NLGN4Y: variants seen among roughly 807,000 people sequenced by gnomAD.
NLGN4Y encodes neuroligin-4, Y-linked.
Under a neutral mutation model 8.4 loss-of-function variants are expected in NLGN4Y, and 4 were observed. The observed-to-expected ratio is 0.48, with a 90% CI of 0.23 to 1.09. NLGN4Y has a LOEUF of 1.09. NLGN4Y is among the 50% of genes least tolerant of loss of function. The pLI is 0.19. For synonymous variants in NLGN4Y, 35 were observed against 75.6 expected (o/e 0.46, Z 2.78); for missense variants, 90 against 192.3 (o/e 0.47, Z 3.15).
chrY:14,672,524 CA>C (rs143892040), intron 2 of NLGN4Y, among the ~76,000 whole-genome samples: 1 of 3,204 alleles, frequency 3.1e-4, no homozygotes, highest in African/African-American at 1.3e-3. Flanking sequence ...GACACAGTCT[CA>C]AAAAAAAAAA....
intron 2 of NLGN4Y, among the ~76,000 whole-genome samples, chrY:14,674,041 G>T: frequency 2.3e-4 from 7 of 29,979 alleles, no homozygotes; most frequent in African/African-American, 9.3e-4. Flanking sequence ...GTGGTGGGGT[G>T]GGGGGAGAGG....
chrY:14,558,497 G>A (rs2080216948), intron 1 of NLGN4Y, among the ~76,000 whole-genome samples: 18 of 32,967 alleles, frequency 5.5e-4, no homozygotes, highest in Non-Finnish European at 8.2e-4. Context: ...CCACTGAGAC[G>A]TCCCATTGTT....
chrY:14,626,382 C>T (rs1603501612), intron 2 of NLGN4Y, among the ~76,000 whole-genome samples: 1 of 33,437 alleles, frequency 3.0e-5, no homozygotes, highest in Admixed American at 2.7e-4. Flanking sequence ...CCTGGTCTCA[C>T]TGGCTTCAGC....
chrY:14,827,914 A>T (rs111678633), intron 5 of NLGN4Y, among the ~76,000 whole-genome samples: 3,728 of 33,481 alleles, frequency 0.11, no homozygotes, highest in Non-Finnish European at 0.19. Context: ...GCAAAGAATG[A>T]AATGGAAAAG....
At chrY:14,814,118 G>A in intron 4 of NLGN4Y, among the ~76,000 whole-genome samples, 1 of 33,024 alleles carries the variant, frequency 3.0e-5, no homozygotes, top group Non-Finnish European at 7.4e-5. Flanking sequence ...TCTGGAGTTT[G>A]TTCCTTCTGG....
At chrY:14,569,907 T>C in intron 1 of NLGN4Y, among the ~76,000 whole-genome samples, 1 of 34,112 alleles carries the variant, frequency 2.9e-5, no homozygotes, top group Non-Finnish European at 7.3e-5. Context: ...ATTTTTCATA[T>C]GTTTATTGAT....
intron 2 of NLGN4Y, among the ~76,000 whole-genome samples, chrY:14,684,147 C>T: frequency 3.0e-5 from 1 of 33,535 alleles, no homozygotes; most frequent in Non-Finnish European, 7.4e-5. Flanking sequence ...GTCTTAGAGG[C>T]TAGCTTTTGT....
At chrY:14,790,288 G>A (rs2042980730) in intron 4 of NLGN4Y, among the ~76,000 whole-genome samples, 1 of 33,337 alleles carries the variant, frequency 3.0e-5, no homozygotes, top group Non-Finnish European at 7.4e-5. Flanking sequence ...TCAGAGAATG[G>A]CACTTTATAA....
At chrY:14,794,739 T>G in intron 4 of NLGN4Y, among the ~76,000 whole-genome samples, 1 of 33,899 alleles carries the variant, frequency 2.9e-5, no homozygotes, top group African/African-American at 1.1e-4. Flanking sequence ...AAGAACTGTT[T>G]AAGTGGTTGA....
intron 2 of NLGN4Y, among the ~76,000 whole-genome samples, chrY:14,658,004 C>T (rs2080660413): frequency 3.0e-5 from 1 of 33,285 alleles, no homozygotes; most frequent in Admixed American, 2.7e-4. Context: ...TAAAAATCCT[C>T]ATTTTTACTT....
intron 1 of NLGN4Y, among the ~76,000 whole-genome samples, chrY:14,544,767 C>T (rs2080162323): frequency 9.7e-5 from 3 of 30,895 alleles, no homozygotes; most frequent in Non-Finnish European, 7.8e-5. Context: ...TTTTTTTCCT[C>T]GTGCAATTTT....
chrY:14,703,498 CT>C (rs2080863110), intron 2 of NLGN4Y, among the ~76,000 whole-genome samples: 1 of 33,129 alleles, frequency 3.0e-5, no homozygotes, highest in Non-Finnish European at 7.4e-5. Context: ...TCTGAGGGCT[CT>C]GTTCTGTTCC....
intron 4 of NLGN4Y, among the ~76,000 whole-genome samples, chrY:14,759,389 C>T: frequency 1.2e-4 from 4 of 32,803 alleles, no homozygotes; most frequent in Admixed American, 1.1e-3. Context: ...CCAGCTCCTC[C>T]TCCCAAGTTC....
At chrY:14,569,454 C>T in intron 1 of NLGN4Y, among the ~76,000 whole-genome samples, 2 of 33,351 alleles carry the variant, frequency 6.0e-5, no homozygotes, top group African/African-American at 2.3e-4. Context: ...TGATTTTGTT[C>T]GTTTTCATGG....
Position 14,840,406 on chromosome Y carries a change from T to C in NLGN4Y, c.1662-7T>C. 2.5e-6 allele frequency: 1 copy of C among 397,622 alleles called. No homozygotes were observed. On this transcript the variant is annotated splice_polypyrimidine_tract_variant and splice_region_variant and intron_variant, in intron 6 of 6. Transcript: ENST00000684976. The stretch of plus-strand genomic sequence containing the variant: ...GACCTTTCTTTTTTTCTTCCTTCTA[T>C]CCCCAGTGATCCAAACCAACCAGTT...
At chrY:14,536,534 A>C in intron 1 of NLGN4Y, among the ~76,000 whole-genome samples, 1 of 32,623 alleles carries the variant, frequency 3.1e-5, no homozygotes, top group South Asian at 6.9e-4. Flanking sequence ...GGCGTGAGCC[A>C]CCGCACCCAG....
chrY:14,651,470 A>G, intron 2 of NLGN4Y, among the ~76,000 whole-genome samples: 1 of 33,541 alleles, frequency 3.0e-5, no homozygotes, highest in African/African-American at 1.2e-4. Context: ...ACCTTCAATT[A>G]CATTTTGTAC....
At position 14,844,225 on chromosome Y, in the gene NLGN4Y, T is replaced by G; in HGVS notation, c.*2963T>G. ...ACACTGCCTGAAAATGAGTATTTGG[T>G]TGTGTTATTTCTACCACTGTTCATT... On this transcript the variant is annotated 3_prime_UTR_variant, in exon 7 of 7. Coordinates refer to ENST00000684976, the MANE Select transcript of NLGN4Y (RefSeq NM_001365588.1). 1 of 78,545 alleles carries G rather than the reference T, an allele frequency of 1.3e-5. No homozygotes were observed. Among genetic ancestry groups the G allele is most frequent in the Non-Finnish European group, 2.7e-5 (1 of 37,171 alleles). The allele number at this position is 78,545 out of a possible 400,897, so 19.6% of individuals were successfully genotyped here.
chrY:14,567,125 G>A (rs2080254374), intron 1 of NLGN4Y, among the ~76,000 whole-genome samples: 1 of 33,295 alleles, frequency 3.0e-5, no homozygotes, highest in Non-Finnish European at 7.4e-5. Flanking sequence ...GTTTAGCAAG[G>A]GTTAATTTGA....
Sources: allele counts gnomAD v4.1 joint callset (sites outside exome capture counted in the v4.1 genomes callset), GRCh38; gene constraint gnomAD v4.1.1; transcripts MANE v1.5; gene names NCBI Gene and HGNC (gene_info 2026-07-23, HGNC 2026-07-21).